TRMT11: variants seen among roughly 807,000 people sequenced by gnomAD.
TRMT11 encodes tRNA methyltransferase 11.
TRMT11 carries 53 observed loss-of-function variants against 62.8 expected under a neutral mutation model. The ratio of observed to expected loss-of-function variants is 0.84; its 90% confidence interval spans 0.68 to 1.06. TRMT11 has a LOEUF of 1.06. Among genes scored for constraint, TRMT11 ranks in the 50% least tolerant of loss-of-function variants. TRMT11 has a pLI of 0.00. For missense variants in TRMT11, 556 were observed against 553.4 expected, an observed-to-expected ratio of 1.00 and a Z score of -0.05; for synonymous variants, 188 against 190.3, an observed-to-expected ratio of 0.99 and a Z score of 0.10.
Position 125,986,610 on chromosome 6 carries a change from G to T in TRMT11, c.60G>T (p.Glu20Asp). 1 of 1,577,556 alleles carries T rather than the reference G, an allele frequency of 6.3e-7. No homozygotes were observed. Among genetic ancestry groups the T allele is most frequent in the Non-Finnish European group, 8.6e-7 (1 of 1,164,530 alleles). Residue 20 changes from glutamate to aspartate, a missense_variant, in exon 1 of 13, where the codon GAG becomes GAT. By Grantham distance (45) the Glu-to-Asp change is conservative (BLOSUM62 2). Transcript: ENST00000334379. ...TCCTCATGGCGCAGGAGCATCTGGA[G>T]TTCCGCCTGCCGGTGAGTCCGTAGC... ...YLLLMAQEHL[E>D]FRLPEIKSLL...
the TRMT11 span, among the ~76,000 whole-genome samples, chr6:126,259,762 C>G: frequency 1.3e-5 from 2 of 152,084 alleles, no homozygotes; most frequent in Non-Finnish European, 2.9e-5. Flanking sequence ...AGTTTGGGTG[C>G]ATATATATTT....
chr6:126,084,218 A>G (rs992080448), intron 17 of TRMT11, among the ~76,000 whole-genome samples: 3 of 152,118 alleles, frequency 2.0e-5, no homozygotes, highest in African/African-American at 7.2e-5. Context: ...AACAGTGTAT[A>G]AGAGTTCCCT....
At chr6:126,166,582 C>T (rs533171207) in intron 21 of TRMT11, among the ~76,000 whole-genome samples, 12 of 152,280 alleles carry the variant, frequency 7.9e-5, no homozygotes, top group African/African-American at 2.9e-4. Flanking sequence ...ACAGGATGCA[C>T]GGGGGTCAAG....
intron 3 of TRMT11, among the ~76,000 whole-genome samples, chr6:125,996,984 CAT>C (rs1791625489): frequency 6.6e-6 from 1 of 152,128 alleles, no homozygotes; most frequent in Admixed American, 6.5e-5. Flanking sequence ...AAAACAGAAA[CAT>C]AACTTTTAAA....
At chr6:126,176,422 AG>A (rs1372494016), upstream of TRMT11, among the ~76,000 whole-genome samples, 1 of 144,764 alleles carries the variant, frequency 6.9e-6, no homozygotes. Flanking sequence ...AACTATAGTC[AG>A]CTCTGGAAAC....
rs142436922 is a variant in TRMT11 at position 126,181,783 on chromosome 6, C to T, written n.143+4448C>T. 9.4e-3 allele frequency among the ~76,000 whole-genome samples: 1,437 copies of T among 152,270 alleles called. 17 individuals carry two copies. The highest frequency in any genetic ancestry group is 0.033 in the African/African-American group (1,374 of 41,568). On this transcript the variant is annotated intron_variant and non_coding_transcript_variant, in intron 1 of 3. Coordinates refer to the TRMT11 transcript ENST00000444229. ...AGTGTAAAGTGTTCTAATATCTGGC[C>T]TGTTTTCAGGAGAGCTGAGGCAACT...
At chr6:126,036,598 A>C (rs1775236353) in intron 12 of TRMT11, among the ~76,000 whole-genome samples, 1 of 152,086 alleles carries the variant, frequency 6.6e-6, no homozygotes. Context: ...CAATGCCAAG[A>C]ATTGTGAGGA....
intron 1 of TRMT11, chr6:126,177,442 T>A (rs1305475409): frequency 6.6e-6 from 1 of 152,292 alleles, no homozygotes; most frequent in South Asian, 2.1e-4. Context: ...AGATACCAAT[T>A]TCAACTTGTT....
rs540785153 is a variant in TRMT11, at chr6:126,119,969, A to G, written c.*1823+4114A>G. ...AAATGAATACTATGGAAATAAATTT[A>G]TGCTGTAAAAGTGACCAAATAAAGC... On this transcript the variant is annotated intron_variant and NMD_transcript_variant, in intron 21 of 22. Coordinates refer to the TRMT11 transcript ENST00000648977. 1.2e-4 allele frequency among the ~76,000 whole-genome samples: 18 copies of G among 152,234 alleles called. 1 individual carries two copies. In the South Asian group the frequency reaches 3.5e-3, roughly 30 times the overall value.
chr6:126,188,563 C>A (rs940160398), intron 1 of TRMT11, among the ~76,000 whole-genome samples: 1 of 152,030 alleles, frequency 6.6e-6, no homozygotes, highest in South Asian at 2.1e-4. Context: ...ATGTTAAATT[C>A]TATTCAAAGT....
chr6:126,236,307 C>T, the TRMT11 span, among the ~76,000 whole-genome samples: 3 of 152,314 alleles, frequency 2.0e-5, no homozygotes, highest in South Asian at 6.2e-4. Context: ...TATGATTTCA[C>T]ACTCTGTAAT....
At chr6:126,001,330 A>G (rs1792444267) in intron 7 of TRMT11, among the ~76,000 whole-genome samples, 1 of 151,790 alleles carries the variant, frequency 6.6e-6, no homozygotes, top group Non-Finnish European at 1.5e-5. Context: ...TTTTTCTTTT[A>G]TGAAATTTGC....
At chr6:126,201,807 A>G (rs756044757) in intron 3 of TRMT11, among the ~76,000 whole-genome samples, 6 of 151,650 alleles carry the variant, frequency 4.0e-5, no homozygotes, top group Non-Finnish European at 5.9e-5. Context: ...ACCTGACTCA[A>G]TTACTTCTTT....
chr6:126,048,323 A>G (rs182381182), intron 16 of TRMT11, among the ~76,000 whole-genome samples: 1 of 152,328 alleles, frequency 6.6e-6, no homozygotes, highest in East Asian at 1.9e-4. Flanking sequence ...ATTCAAGGCC[A>G]TTCTCAAAGC....
chr6:126,257,654 A>T, the TRMT11 span, among the ~76,000 whole-genome samples: 1 of 152,096 alleles, frequency 6.6e-6, no homozygotes, highest in African/African-American at 2.4e-5. Context: ...GAGACTTTTT[A>T]TTATTTTTAT....
intron 16 of TRMT11, among the ~76,000 whole-genome samples, chr6:126,045,845 A>G (rs1299707726): frequency 6.6e-6 from 1 of 152,156 alleles, no homozygotes; most frequent in Non-Finnish European, 1.5e-5. Flanking sequence ...TTTATGGCTC[A>G]GCTCCTCCTG....
At chr6:126,228,366 C>T in the TRMT11 span, among the ~76,000 whole-genome samples, 8 of 152,092 alleles carry the variant, frequency 5.3e-5, no homozygotes, top group East Asian at 1.9e-4. Flanking sequence ...TAGAAGAGAC[C>T]GTGTTAATAA....
intron 12 of TRMT11, among the ~76,000 whole-genome samples, chr6:126,033,413 G>A (rs1196698420): frequency 6.6e-6 from 1 of 151,986 alleles, no homozygotes; most frequent in Non-Finnish European, 1.5e-5. Context: ...ATCTTTTTGG[G>A]TTCTTTTTAA....
At chr6:126,268,339 C>G in the TRMT11 span, among the ~76,000 whole-genome samples, 23 of 152,204 alleles carry the variant, frequency 1.5e-4, no homozygotes, top group African/African-American at 4.6e-4. Flanking sequence ...CTGGGAGACA[C>G]CTGGATAGTG....
Sources: allele counts gnomAD v4.1 joint callset (sites outside exome capture counted in the v4.1 genomes callset), GRCh38; gene constraint gnomAD v4.1.1; transcripts MANE v1.5; gene names NCBI Gene and HGNC (gene_info 2026-07-23, HGNC 2026-07-21).